Variants in C19orf47 observed in about 807,000 individuals in gnomAD.
C19orf47 encodes chromosome 19 open reading frame 47, also known as uncharacterized protein C19orf47.
C19orf47 carries 18 observed loss-of-function variants against 32.3 expected under a neutral mutation model. The ratio of observed to expected loss-of-function variants is 0.56; its 90% CI spans 0.39 to 0.83. The LOEUF (loss-of-function observed/expected upper bound fraction) is 0.83, where lower values mean the gene tolerates loss of function less well. Ranked by LOEUF, C19orf47 falls within the 40% of genes least tolerant of loss-of-function variation. C19orf47 has a pLI of 0.00. For missense variants in C19orf47, 484 were observed against 531.6 expected, an observed-to-expected ratio of 0.91 and a Z score of 0.88; for synonymous variants, 202 against 211.1, an observed-to-expected ratio of 0.96 and a Z score of 0.37.
chr19:40,326,773 C>T (rs1471926926), intron 6 of C19orf47, among the ~76,000 whole-genome samples: 7 of 152,228 alleles, frequency 4.6e-5, no homozygotes, highest in South Asian at 2.1e-4. Context: ...CACATCCCCT[C>T]GGATGGGGAA....
chr19:40,339,980 C>CAAAAAAAAA (rs548548957), intron 2 of C19orf47, among the ~76,000 whole-genome samples: 1 of 68,696 alleles, frequency 1.5e-5, no homozygotes, highest in Admixed American at 1.5e-4. Flanking sequence ...CATCTCAAAA[C>CAAAAAAAAA]AAAAAAAAAA....
chr19:40,298,326 A>G, the C19orf47 span, among the ~76,000 whole-genome samples: 1 of 151,812 alleles, frequency 6.6e-6, no homozygotes, highest in South Asian at 2.1e-4. Flanking sequence ...AAAAGAAAAA[A>G]TAATTGTGGT....
the C19orf47 span, among the ~76,000 whole-genome samples, chr19:40,308,309 C>A: frequency 6.6e-6 from 1 of 151,892 alleles, no homozygotes; most frequent in Non-Finnish European, 1.5e-5. Context: ...GCGCGTGTCA[C>A]CACACCCGGC....
At chr19:40,344,203 G>C (rs1437193436) in intron 1 of C19orf47, among the ~76,000 whole-genome samples, 6 of 151,964 alleles carry the variant, frequency 3.9e-5, no homozygotes, top group South Asian at 2.1e-4. Flanking sequence ...TACAGGCCAG[G>C]AGCAGTGGCT....
At chr19:40,338,770 G>A (rs753703059) in intron 2 of C19orf47, among the ~76,000 whole-genome samples, 11 of 152,078 alleles carry the variant, frequency 7.2e-5, no homozygotes, top group Admixed American at 1.3e-4. Context: ...CACCTGCCTC[G>A]GCCTCCCAAA....
At chr19:40,295,323 A>C in the C19orf47 span, among the ~76,000 whole-genome samples, 83 of 151,672 alleles carry the variant, frequency 5.5e-4, 2 homozygotes, top group Non-Finnish European at 1.0e-3. Flanking sequence ...CCCGGCCTAA[A>C]CAGCTGTCTT....
At chr19:40,308,791 A>T in the C19orf47 span, among the ~76,000 whole-genome samples, 2 of 152,168 alleles carry the variant, frequency 1.3e-5, no homozygotes, top group African/African-American at 4.8e-5. Flanking sequence ...ATACACAACA[A>T]AAGCACAGTG....
intron 1 of C19orf47, chr19:40,343,479 G>A (rs1023822611): frequency 6.6e-6 from 1 of 152,224 alleles, no homozygotes; most frequent in African/African-American, 2.4e-5. Flanking sequence ...ACTTACCTTA[G>A]AGGACTGCTA....
intron 1 of C19orf47, among the ~76,000 whole-genome samples, chr19:40,343,997 T>C (rs2078226739): frequency 1.3e-5 from 2 of 151,572 alleles, no homozygotes; most frequent in Non-Finnish European, 2.9e-5. Flanking sequence ...GGTTTCACCA[T>C]GTTGGCCAGG....
intron 4 of C19orf47, chr19:40,334,960 G>A (rs912888614): frequency 3.5e-5 from 5 of 144,860 alleles, no homozygotes; most frequent in Non-Finnish European, 7.6e-5. Flanking sequence ...AAGGGGGGTA[G>A]GGAGGGAGGG....
the C19orf47 span, among the ~76,000 whole-genome samples, chr19:40,304,293 T>A: frequency 6.6e-6 from 1 of 152,194 alleles, no homozygotes; most frequent in Non-Finnish European, 1.5e-5. Flanking sequence ...TTACTTCAAA[T>A]GGAGGGAACC....
the C19orf47 span, among the ~76,000 whole-genome samples, chr19:40,309,722 G>A: frequency 1.3e-5 from 2 of 151,502 alleles, no homozygotes; most frequent in Non-Finnish European, 2.9e-5. Context: ...AAAATATGCA[G>A]TTACTTTAAA....
At chr19:40,325,246 C>T (rs1299090452) in intron 7 of C19orf47, among the ~76,000 whole-genome samples, 6 of 148,776 alleles carry the variant, frequency 4.0e-5, no homozygotes, top group South Asian at 2.1e-4. Context: ...CTCCAGCCTG[C>T]GTAACAGAGC....
chr19:40,314,666 A>G (rs2077650573), downstream of C19orf47, among the ~76,000 whole-genome samples: 1 of 152,216 alleles, frequency 6.6e-6, no homozygotes, highest in Admixed American at 6.6e-5. Context: ...TAATTTATGT[A>G]AATCCCTTGC....
At chr19:40,310,235 CAA>C in the C19orf47 span, among the ~76,000 whole-genome samples, 1 of 143,454 alleles carries the variant, frequency 7.0e-6, no homozygotes. Context: ...GACTCCATCT[CAA>C]AAAAAAAAAG....
At chr19:40,317,727 T>TGTTTTTTTTTG (rs1568598250), downstream of C19orf47, among the ~76,000 whole-genome samples, 5 of 150,850 alleles carry the variant, frequency 3.3e-5, no homozygotes, top group African/African-American at 1.2e-4. Flanking sequence ...GTTTTTTTTT[T>TGTTTTTTTTTG]GTTTTTTTTT....
At chr19:40,306,151 C>CAAA in the C19orf47 span, among the ~76,000 whole-genome samples, 23 of 53,740 alleles carry the variant, frequency 4.3e-4, no homozygotes, top group Admixed American at 1.1e-3. Flanking sequence ...AACTCTGTCT[C>CAAA]AAAAAAAAAA....
At chr19:40,348,184 A>G in intron 1 of C19orf47, 140 bp downstream of exon 1, 2 of 494,322 alleles carry the variant, frequency 4.0e-6, no homozygotes, top group East Asian at 4.4e-5. Flanking sequence ...CCCATTCCAC[A>G]GGGGAGGAAA....
At chr19:40,347,891 T>C (rs1195087857) in intron 1 of C19orf47, among the ~76,000 whole-genome samples, 1 of 152,048 alleles carries the variant, frequency 6.6e-6, no homozygotes, top group Non-Finnish European at 1.5e-5. Flanking sequence ...GACCCTATGA[T>C]ATTGGGACTA....
Sources: gnomAD v4.1 joint callset for allele counts (sites outside exome capture counted in the v4.1 genomes callset) on GRCh38, gnomAD v4.1.1 for gene constraint, MANE v1.5 for transcripts, NCBI Gene and HGNC (gene_info 2026-07-23, HGNC 2026-07-21) for gene names.